LDLRAD4: variants seen among roughly 807,000 people sequenced by gnomAD.
LDLRAD4 encodes low-density lipoprotein receptor class A domain-containing protein 4.
Under a neutral mutation model 17.0 loss-of-function variants are expected in LDLRAD4, and 5 were observed. That is an observed-to-expected ratio of 0.29 (90% CI 0.15 to 0.62). The LOEUF is 0.62. LDLRAD4 is among the 20% of genes least tolerant of loss of function. The pLI is 0.84. For synonymous variants in LDLRAD4, 168 were observed against 171.8 expected, an observed-to-expected ratio of 0.98 and a Z score of 0.17; for missense variants, 340 against 424.7, an observed-to-expected ratio of 0.80 and a Z score of 1.75.
chr18:13,523,346 C>T (rs984167484), intron 3 of LDLRAD4, among the ~76,000 whole-genome samples: 5 of 152,220 alleles, frequency 3.3e-5, no homozygotes, highest in Admixed American at 1.3e-4. Context: ...CAGACACCCT[C>T]CTGCTGGCCA....
intron 1 of LDLRAD4, among the ~76,000 whole-genome samples, chr18:13,317,026 G>A (rs531408598): frequency 3.8e-4 from 58 of 152,284 alleles, no homozygotes; most frequent in Middle Eastern, 3.4e-3. Flanking sequence ...TACGATAGAC[G>A]TGCTTAGATG....
chr18:13,591,282 A>G (rs2095024149), intron 3 of LDLRAD4, among the ~76,000 whole-genome samples: 1 of 152,178 alleles, frequency 6.6e-6, no homozygotes. Flanking sequence ...GCTTTCAAAG[A>G]TTTTTTGAGT....
intron 3 of LDLRAD4, among the ~76,000 whole-genome samples, chr18:13,544,990 C>T (rs2094340653): frequency 6.8e-6 from 1 of 147,076 alleles, no homozygotes; most frequent in South Asian, 2.2e-4. Flanking sequence ...AGAAAACATA[C>T]ATTAAACTTT....
chr18:13,323,283 C>T (rs180705158), intron 1 of LDLRAD4, among the ~76,000 whole-genome samples: 16 of 152,346 alleles, frequency 1.1e-4, no homozygotes, highest in East Asian at 1.9e-4. Context: ...CTATGGGCGC[C>T]GCCACTGCGC....
chr18:13,435,173 G>A (rs2090571878), intron 2 of LDLRAD4, among the ~76,000 whole-genome samples: 1 of 152,364 alleles, frequency 6.6e-6, no homozygotes, highest in Admixed American at 6.5e-5. Flanking sequence ...TTGGGATGGA[G>A]GTGGAAGCCT....
At chr18:13,347,767 A>T (rs1381494290) in intron 1 of LDLRAD4, among the ~76,000 whole-genome samples, 4 of 152,010 alleles carry the variant, frequency 2.6e-5, no homozygotes, top group Admixed American at 2.0e-4. Flanking sequence ...GGCTTTGTTC[A>T]TTTCTTTTTA....
chr18:13,619,522 G>GGGGT (rs2040410206), intron 3 of LDLRAD4, among the ~76,000 whole-genome samples: 1 of 146,322 alleles, frequency 6.8e-6, no homozygotes, highest in African/African-American at 2.5e-5. Context: ...GGCCGGGGGG[G>GGGGT]GGCGGGGGTG....
At chr18:13,329,324 T>C (rs1272865667) in intron 1 of LDLRAD4, among the ~76,000 whole-genome samples, 8 of 152,258 alleles carry the variant, frequency 5.3e-5, no homozygotes, top group African/African-American at 9.6e-5. Context: ...GAGCATGTTA[T>C]CAGTTTTTTA....
At chr18:13,464,916 T>C (rs1017085059) in intron 3 of LDLRAD4, 1 of 151,934 alleles carries the variant, frequency 6.6e-6, no homozygotes, top group Non-Finnish European at 1.5e-5. Flanking sequence ...ACATGCTAAT[T>C]GGTTGGCCGG....
intron 1 of LDLRAD4, among the ~76,000 whole-genome samples, chr18:13,305,126 T>A (rs1034024892): frequency 6.6e-6 from 1 of 152,230 alleles, no homozygotes; most frequent in Non-Finnish European, 1.5e-5. Context: ...AAGTTAGGCA[T>A]GTCATGAATG....
intron 2 of LDLRAD4, among the ~76,000 whole-genome samples, chr18:13,422,923 G>T (rs1037383387): frequency 6.6e-6 from 1 of 152,148 alleles, no homozygotes; most frequent in African/African-American, 2.4e-5. Context: ...GCGGAAAGCT[G>T]GTGTTGGGAA....
chr18:13,534,504 G>T (rs2147864581), intron 3 of LDLRAD4, among the ~76,000 whole-genome samples: 1 of 151,956 alleles, frequency 6.6e-6, no homozygotes, highest in Middle Eastern at 3.4e-3. Flanking sequence ...TAAGAAAGAG[G>T]ACGAAAAGGC....
chr18:13,620,568 C>T (rs77358894), intron 3 of LDLRAD4, among the ~76,000 whole-genome samples: 1,540 of 152,322 alleles, frequency 0.01, 30 homozygotes, highest in African/African-American at 0.035. Context: ...TGTTGCTGGA[C>T]TCACATGTGA....
At chr18:13,320,361 C>G (rs1323182611) in intron 1 of LDLRAD4, among the ~76,000 whole-genome samples, 1 of 152,182 alleles carries the variant, frequency 6.6e-6, no homozygotes, top group Non-Finnish European at 1.5e-5. Flanking sequence ...TGCCTCTCAT[C>G]TAGGAAGGAG....
chr18:13,562,883 T>A (rs1231724304), intron 3 of LDLRAD4: 1 of 152,278 alleles, frequency 6.6e-6, no homozygotes, highest in East Asian at 1.9e-4. Flanking sequence ...TACTAACTTT[T>A]GGAAACATTC....
intron 3 of LDLRAD4, among the ~76,000 whole-genome samples, chr18:13,508,789 T>G (rs1257291380): frequency 6.6e-6 from 1 of 152,246 alleles, no homozygotes; most frequent in East Asian, 1.9e-4. Flanking sequence ...AATGTTATTT[T>G]CATGCCTGCT....
intron 3 of LDLRAD4, among the ~76,000 whole-genome samples, chr18:13,548,630 C>T (rs572387188): frequency 6.6e-6 from 1 of 152,354 alleles, no homozygotes; most frequent in African/African-American, 2.4e-5. Flanking sequence ...TCCAAGCCTG[C>T]TGGGGCACGG....
chr18:13,290,886 C>T (rs2045926097), intron 1 of LDLRAD4, among the ~76,000 whole-genome samples: 1 of 152,252 alleles, frequency 6.6e-6, no homozygotes, highest in Non-Finnish European at 1.5e-5. Context: ...ACACTTTCAA[C>T]CCCAGTGAAC....
rs2090973283 is a variant in LDLRAD4, at chr18:13,440,778, C to T, written c.181+2394C>T. On this transcript the variant is annotated intron_variant, in intron 3 of 5. Coordinates refer to ENST00000359446, the Ensembl canonical transcript of LDLRAD4. The surrounding 1 kb of genome is among the most constrained non-coding windows in gnomAD (Gnocchi z 4.4). Reference sequence around the variant, plus strand: ...GTTGCCATCTCCACTCCCCACGTGGCCCTTCCTGGGGAGTGCACTGCTGTG... The same window carrying T: ...GTTGCCATCTCCACTCCCCACGTGGTCCTTCCTGGGGAGTGCACTGCTGTG... 6.6e-6 allele frequency among the ~76,000 whole-genome samples: 1 copy of T among 152,208 alleles called. No homozygotes were observed. Among genetic ancestry groups the T allele is most frequent in the Non-Finnish European group, 1.5e-5 (1 of 68,030 alleles).
Sources: gnomAD v4.1 joint callset for allele counts (sites outside exome capture counted in the v4.1 genomes callset) on GRCh38, gnomAD v4.1.1 for gene constraint, Gnocchi (gnomAD v3.1) non-coding constraint, MANE v1.5 for transcripts, NCBI Gene and HGNC (gene_info 2026-07-23, HGNC 2026-07-21) for gene names.